The following ACVR2A variants were observed in gnomAD, a reference collection of about 807,000 sequenced individuals.
ACVR2A encodes the protein activin A receptor type 2A, also known as activin receptor type-2A.
In ACVR2A, 7 loss-of-function variants were observed where a neutral mutation model predicts 61.4. That is an observed-to-expected ratio of 0.11 (90% CI 0.06 to 0.21). The LOEUF (loss-of-function observed/expected upper bound fraction) is 0.21. Among genes scored for constraint, ACVR2A ranks in the 10% least tolerant of loss-of-function variants. The probability of loss-of-function intolerance (pLI) is 1.00; values close to 1 mark genes in which losing one functional copy is unlikely to be tolerated. For synonymous variants in ACVR2A, 193 were observed against 208.3 expected (o/e 0.93, Z 0.63); for missense variants, 322 against 621.7 (o/e 0.52, Z 5.13).
chr2:147,854,955 T>C lies in ACVR2A; in HGVS notation c.55+9748T>C, dbSNP rs188450732. Among the ~76,000 whole-genome samples, 98 of 152,126 alleles carry C rather than the reference T, an allele frequency of 6.4e-4. No homozygotes were observed. In the East Asian group the frequency reaches 0.017, roughly 26 times the overall value. ...GGAGTGCAGTGGTGCAATCTTGGCT[T>C]ACCACAACCCCAGCCTTCCAGTTCA... On this transcript the variant is annotated intron_variant, in intron 1 of 10. Coordinates refer to ENST00000241416, the MANE Select transcript of ACVR2A (RefSeq NM_001616.5).
intron 10 of ACVR2A, 39 bp from the exon 11 acceptor site, chr2:147,927,041 A>G (rs1238174542): frequency 6.4e-7 from 1 of 1,568,870 alleles, no homozygotes; most frequent in South Asian, 1.2e-5. Flanking sequence ...GAAAACAAAA[A>G]CTGCTGTGGC....
At chr2:147,865,337 C>T (rs1259387265) in intron 1 of ACVR2A, among the ~76,000 whole-genome samples, 1 of 152,176 alleles carries the variant, frequency 6.6e-6, no homozygotes, top group Non-Finnish European at 1.5e-5. Context: ...AACTGTTAAC[C>T]TAAAGTAAGT....
intron 1 of ACVR2A, among the ~76,000 whole-genome samples, chr2:147,858,824 A>G (rs1417011098): frequency 1.3e-5 from 2 of 152,220 alleles, no homozygotes; most frequent in South Asian, 4.1e-4. Context: ...TGTTCCAGTA[A>G]AACTTTATTT....
intron 1 of ACVR2A, among the ~76,000 whole-genome samples, chr2:147,867,903 C>T (rs772397987): frequency 3.3e-5 from 5 of 152,172 alleles, no homozygotes; most frequent in Non-Finnish European, 7.3e-5. Context: ...TGTGCCTCTA[C>T]ACTCCGCTGA....
chr2:147,902,839 C>T (rs1364659140), intron 4 of ACVR2A: 1 of 151,998 alleles, frequency 6.6e-6, no homozygotes, highest in African/African-American at 2.4e-5. Context: ...TTCAACTTTA[C>T]ATCAGTTAGG....
At chr2:147,845,413 A>T (rs1685285248) in intron 1 of ACVR2A, among the ~76,000 whole-genome samples, 2 of 128,776 alleles carry the variant, frequency 1.6e-5, no homozygotes, top group African/African-American at 6.0e-5. Flanking sequence ...TCTCTTTTTG[A>T]GTTGGGTCGG....
chr2:147,926,974 C>T, intron 10 of ACVR2A, 106 bp from the exon 11 acceptor site: 1 of 1,086,246 alleles, frequency 9.2e-7, no homozygotes, highest in Non-Finnish European at 1.3e-6. Context: ...TTGACAGAAA[C>T]TTCTTTGACC....
At chr2:147,910,118 C>T (rs1018097959) in intron 4 of ACVR2A, among the ~76,000 whole-genome samples, 7 of 150,626 alleles carry the variant, frequency 4.6e-5, no homozygotes, top group African/African-American at 7.3e-5. Flanking sequence ...TTTTTTGTTC[C>T]GTTTTTACCC....
intron 1 of ACVR2A, among the ~76,000 whole-genome samples, chr2:147,872,730 A>G (rs1209594856): frequency 5.3e-5 from 8 of 151,794 alleles, no homozygotes; most frequent in South Asian, 2.1e-4. Context: ...TTAGTTTTAC[A>G]TATAGATATT....
chr2:147,900,660 G>T (rs1686850864), intron 4 of ACVR2A: 1 of 151,966 alleles, frequency 6.6e-6, no homozygotes, highest in South Asian at 2.1e-4. Context: ...CATGGAAGTA[G>T]TTAGTATTCT....
intron 4 of ACVR2A, among the ~76,000 whole-genome samples, chr2:147,907,147 A>G (rs577531236): frequency 1.3e-5 from 2 of 152,212 alleles, no homozygotes; most frequent in African/African-American, 4.8e-5. Context: ...AGCTTCATCC[A>G]TGTCCCTGCA....
intron 8 of ACVR2A, 48 bp downstream of exon 8, chr2:147,920,392 AT>A (rs770568595): frequency 7.0e-7 from 1 of 1,432,586 alleles, no homozygotes; most frequent in Non-Finnish European, 9.8e-7. Context: ...CTTGTTCCAT[AT>A]TTTCTTAGAA....
intron 1 of ACVR2A, among the ~76,000 whole-genome samples, chr2:147,858,823 A>G (rs1221029263): frequency 5.3e-5 from 8 of 152,208 alleles, no homozygotes; most frequent in African/African-American, 1.9e-4. Context: ...GTGTTCCAGT[A>G]AAACTTTATT....
Position 147,930,659 on chromosome 2 carries a change from G to C in ACVR2A, c.*3385G>C, listed in dbSNP as rs1389682632. ...TCTTGTGTTTTGGGCACAGGTTATTGTACTACTGTCAAATCGTACTTGCTA... is the reference window on the plus strand; with the variant it reads ...TCTTGTGTTTTGGGCACAGGTTATTCTACTACTGTCAAATCGTACTTGCTA... On this transcript the variant is annotated 3_prime_UTR_variant, in exon 11 of 11. Coordinates refer to ENST00000241416, the MANE Select transcript of ACVR2A (RefSeq NM_001616.5). The C allele has an allele frequency of 6.6e-6, 1 of 152,222 alleles. No individual in the cohort carries two copies. The highest frequency in any genetic ancestry group is 2.4e-5 in the African/African-American group (1 of 41,354). 9.4% of individuals were successfully genotyped at this position (152,222 alleles called of 1,614,324 possible). A position where few individuals can be genotyped will look rare whatever the true frequency, so the allele number is the denominator to read the frequency against.
chr2:147,854,179 T>A (rs1013731665), intron 1 of ACVR2A, among the ~76,000 whole-genome samples: 1 of 152,184 alleles, frequency 6.6e-6, no homozygotes, highest in Middle Eastern at 3.2e-3. Context: ...AAAGAACATA[T>A]CATTATAGAG....
Position 147,896,361 on chromosome 2 carries a change from AAGAC to A in ACVR2A, c.120_123del (p.Asp40GlufsTer33). 6.2e-7 allele frequency: 1 copy of A among 1,613,992 alleles called. No homozygotes were observed. Among genetic ancestry groups the A allele is most frequent in the Non-Finnish European group, 8.5e-7 (1 of 1,179,930 alleles). ...CTTTTCTTTAATGCTAATTGGGAAA[AAGAC>A]AGAACCAATCAAACTGGTGTTGAAC... On this transcript the variant is annotated frameshift_variant, in exon 2 of 11. Transcript: ENST00000241416. LOFTEE classifies it high-confidence loss of function.
chr2:147,863,299 T>C (rs145411582), intron 1 of ACVR2A, among the ~76,000 whole-genome samples: 1 of 152,296 alleles, frequency 6.6e-6, no homozygotes, highest in Non-Finnish European at 1.5e-5. Flanking sequence ...TTGAAGTGAA[T>C]GATGGTCTAC....
chr2:147,873,845 G>A (rs2105161000), intron 1 of ACVR2A, among the ~76,000 whole-genome samples: 1 of 152,006 alleles, frequency 6.6e-6, no homozygotes, highest in Middle Eastern at 3.4e-3. Flanking sequence ...TCATCCAAGG[G>A]CTTTTTAGCC....
At chr2:147,890,411 A>G (rs577953402) in intron 1 of ACVR2A, among the ~76,000 whole-genome samples, 4 of 151,882 alleles carry the variant, frequency 2.6e-5, no homozygotes, top group South Asian at 2.1e-4. Flanking sequence ...TAGCATGTAT[A>G]TATATAGTGT....
Sources: allele counts gnomAD v4.1 joint callset (sites outside exome capture counted in the v4.1 genomes callset), GRCh38; gene constraint gnomAD v4.1.1; transcripts MANE v1.5; gene names NCBI Gene and HGNC (gene_info 2026-07-23, HGNC 2026-07-21).